Variants in SUSD1 observed in about 807,000 individuals in gnomAD.
SUSD1 encodes sushi domain-containing protein 1.
Under a neutral mutation model 86.9 loss-of-function variants are expected in SUSD1, and 65 were observed. That is an observed-to-expected ratio of 0.75 (90% CI 0.61 to 0.92). The LOEUF (loss-of-function observed/expected upper bound fraction) is 0.92, where lower values mean the gene tolerates loss of function less well. Ranked by LOEUF, SUSD1 falls within the 40% of genes least tolerant of loss-of-function variation. The probability of loss-of-function intolerance (pLI) is 0.00; values close to 1 mark genes in which losing one functional copy is unlikely to be tolerated. For synonymous variants in SUSD1, 346 were observed against 350.0 expected, an observed-to-expected ratio of 0.99 and a Z score of 0.13; for missense variants, 850 against 929.7, an observed-to-expected ratio of 0.91 and a Z score of 1.11.
chr9:112,099,015 TTCTCTCTC>T (rs58040511), intron 9 of SUSD1, among the ~76,000 whole-genome samples: 6,882 of 145,912 alleles, frequency 0.047, 334 homozygotes, highest in East Asian at 0.16. Flanking sequence ...GAATACTTCG[TTCTCTCTC>T]TCTCTCTCTC....
chr9:112,171,817 G>GT (rs765234841), intron 1 of SUSD1, among the ~76,000 whole-genome samples: 4 of 152,118 alleles, frequency 2.6e-5, no homozygotes, highest in Non-Finnish European at 5.9e-5. Context: ...GTTTGAGTCT[G>GT]TTTTGCATTC....
chr9:112,082,586 C>A (rs992906001), intron 10 of SUSD1, among the ~76,000 whole-genome samples: 4 of 152,138 alleles, frequency 2.6e-5, no homozygotes, highest in African/African-American at 9.7e-5. Flanking sequence ...GAAATAGATT[C>A]TCCCCTAGAT....
intron 6 of SUSD1, among the ~76,000 whole-genome samples, chr9:112,121,448 G>A (rs989217313): frequency 2.0e-5 from 3 of 152,164 alleles, no homozygotes; most frequent in Non-Finnish European, 4.4e-5. Context: ...TTGGGGAAAA[G>A]GTCTGTTTCC....
intron 1 of SUSD1, among the ~76,000 whole-genome samples, chr9:112,169,767 C>T (rs150578903): frequency 0.012 from 1,874 of 151,914 alleles, 109 homozygotes; most frequent in Admixed American, 0.081. Flanking sequence ...CTCCACCTCC[C>T]GGGTTCAGGC....
intron 5 of SUSD1, among the ~76,000 whole-genome samples, chr9:112,140,759 G>C (rs1347519622): frequency 6.6e-6 from 1 of 152,152 alleles, no homozygotes; most frequent in Non-Finnish European, 1.5e-5. Flanking sequence ...TACATTTTGA[G>C]AAATGCATCA....
chr9:112,044,651 T>C (rs1241307843), intron 15 of SUSD1, among the ~76,000 whole-genome samples: 1 of 152,206 alleles, frequency 6.6e-6, no homozygotes, highest in Non-Finnish European at 1.5e-5. Context: ...GCTTACACCA[T>C]ATATCAAAAT....
In SUSD1 at chr9:112,157,507, C is replaced by T. The variant is rs754181213; in HGVS notation, c.210G>A (p.Gln70=). ...CCAGAGTTCAGAACTTACCAACACACTGAGTCCTCCCGTTCCCTACAAATC... is the reference window on the plus strand; with the variant it reads ...CCAGAGTTCAGAACTTACCAACACATTGAGTCCTCCCGTTCCCTACAAATC... The part of the protein sequence containing the change: ...NYGFVGNGRT[Q]CVDKNECQFG... The change falls in exon 2 of 17, where the codon CAG becomes CAA. Residue 70 remains glutamine (Q), a synonymous_variant. Transcript: ENST00000374270. The T allele has an allele frequency of 8.7e-6, 14 of 1,612,652 alleles. No individual in the cohort carries two copies. The Admixed American group carries it at 2.2e-4, about 25-fold the overall frequency.
chr9:112,071,293 C>T (rs538750100), intron 12 of SUSD1, among the ~76,000 whole-genome samples: 1 of 152,176 alleles, frequency 6.6e-6, no homozygotes, highest in East Asian at 1.9e-4. Context: ...AAGACCTCAT[C>T]TTTACAAAAA....
chr9:112,099,049 CTCTCTCTG>C (rs1187088814), intron 9 of SUSD1, among the ~76,000 whole-genome samples: 1 of 127,604 alleles, frequency 7.8e-6, no homozygotes, highest in African/African-American at 2.8e-5. Flanking sequence ...CTCTCTCTCT[CTCTCTCTG>C]TCTCTTTTCT....
chr9:112,041,596 C>T (rs922851564), intron 16 of SUSD1, 104 bp from the exon 17 acceptor site: 4 of 758,066 alleles, frequency 5.3e-6, no homozygotes, highest in Admixed American at 1.8e-5. Flanking sequence ...TGGGAGGAGG[C>T]GAGGGGGAGC....
chr9:112,044,813 A>G (rs569557153), intron 15 of SUSD1, among the ~76,000 whole-genome samples: 6 of 152,386 alleles, frequency 3.9e-5, no homozygotes, highest in Admixed American at 1.3e-4. Flanking sequence ...ACCACTTTAA[A>G]AAGCATGCAC....
Position 112,083,674 on chromosome 9 carries a change from G to A in SUSD1, c.1475-3509C>T, listed in dbSNP as rs12683009. 3.4e-4 allele frequency among the ~76,000 whole-genome samples: 52 copies of A among 152,146 alleles called. 1 individual carries two copies. In the East Asian group the frequency reaches 5.0e-3, roughly 15 times the overall value. On this transcript the variant is annotated intron_variant, in intron 10 of 16. Coordinates refer to ENST00000374270, the MANE Select transcript of SUSD1 (RefSeq NM_022486.5). The stretch of plus-strand genomic sequence containing the variant: ...TGAGACATTCCTAAAATTTCTTCAC[G>A]GTCAGAATATAACAAACACTTCTCA...
intron 2 of SUSD1, among the ~76,000 whole-genome samples, chr9:112,152,750 TC>T (rs991598236): frequency 2.5e-5 from 3 of 120,260 alleles, no homozygotes; most frequent in South Asian, 2.5e-4. Context: ...TTTTTTTTAA[TC>T]TTTTTTTTTT....
chr9:112,086,975 A>T (rs1052779534), intron 10 of SUSD1, among the ~76,000 whole-genome samples: 2 of 149,656 alleles, frequency 1.3e-5, no homozygotes, highest in Non-Finnish European at 3.0e-5. Context: ...TTTGTATTTT[A>T]TATATATATA....
At chr9:112,054,225 A>C (rs909903793) in intron 14 of SUSD1, among the ~76,000 whole-genome samples, 2 of 152,234 alleles carry the variant, frequency 1.3e-5, no homozygotes, top group Non-Finnish European at 2.9e-5. Flanking sequence ...GAACCTAGAA[A>C]TAAACCCTTG....
At chr9:112,174,954 C>A (rs78617913) in intron 1 of SUSD1, among the ~76,000 whole-genome samples, 179 bp downstream of exon 1, 39,774 of 151,414 alleles carry the variant, frequency 0.26, 6,415 homozygotes, top group Admixed American at 0.36. Flanking sequence ...GGGAGCCCCC[C>A]GCTTCTCTGA....
chr9:112,092,863 G>A (rs1343969035), intron 10 of SUSD1, among the ~76,000 whole-genome samples: 1 of 152,114 alleles, frequency 6.6e-6, no homozygotes, highest in Middle Eastern at 3.4e-3. Context: ...ACAGAAGAAA[G>A]GCAACATAAA....
At chr9:112,142,555 C>A in intron 4 of SUSD1, 56 bp from the exon 5 acceptor site, 1 of 1,553,806 alleles carries the variant, frequency 6.4e-7, no homozygotes, top group South Asian at 1.1e-5. Flanking sequence ...CTTCAAAATT[C>A]ACAATCTCTC....
chr9:112,167,829 T>C (rs1398229655), intron 1 of SUSD1, among the ~76,000 whole-genome samples: 1 of 152,168 alleles, frequency 6.6e-6, no homozygotes, highest in Admixed American at 6.5e-5. Flanking sequence ...AAACGAGGTT[T>C]AATGGACTCA....
Sources: gnomAD v4.1 joint callset for allele counts (sites outside exome capture counted in the v4.1 genomes callset) on GRCh38, gnomAD v4.1.1 for gene constraint, MANE v1.5 for transcripts, NCBI Gene and HGNC (gene_info 2026-07-23, HGNC 2026-07-21) for gene names.